CDC23: variants seen among roughly 807,000 people sequenced by gnomAD.
CDC23 encodes cell division cycle 23.
In CDC23, 26 loss-of-function variants were observed where a neutral mutation model predicts 81.7. That is an observed-to-expected ratio of 0.32 (90% CI 0.23 to 0.44). CDC23 has a LOEUF of 0.44. Among genes scored for constraint, CDC23 ranks in the 20% least tolerant of loss-of-function variants. The pLI, the probability that CDC23 is intolerant of heterozygous loss-of-function variation, is 1.00. For missense variants in CDC23, 519 were observed against 728.0 expected (o/e 0.71, Z 3.30); for synonymous variants, 267 against 270.8 (o/e 0.99, Z 0.14).
intron 13 of CDC23, among the ~76,000 whole-genome samples, chr5:138,190,977 T>A (rs928326146): frequency 4.6e-5 from 7 of 152,222 alleles, no homozygotes; most frequent in African/African-American, 1.7e-4. Context: ...GAGTTATTCC[T>A]AATTTTTCTG....
At chr5:138,194,878 T>C (rs1199845052) in intron 9 of CDC23, among the ~76,000 whole-genome samples, 1 of 151,754 alleles carries the variant, frequency 6.6e-6, no homozygotes, top group Non-Finnish European at 1.5e-5. Flanking sequence ...TCCGCCACCA[T>C]GCCCGGCTAA....
chr5:138,213,056 C>G lies in CDC23; in HGVS notation c.169G>C (p.Glu57Gln). ...AATGCAGGGAGAGAGAAAGCCAACTCCGCCGACCTGGAACACCCACACAAA... is the reference window on the plus strand; with the variant it reads ...AATGCAGGGAGAGAGAAAGCCAACTGCGCCGACCTGGAACACCCACACAAA... Reference protein sequence around the residue: ...GLLHSSKWSAELAFSLPALPL... With the variant: ...GLLHSSKWSAQLAFSLPALPL... Residue 57 changes from glutamate to glutamine, a missense_variant, in exon 2 of 16, where the codon GAG (glutamate) becomes CAG (glutamine). Glu to Gln is a conservative substitution (Grantham distance 29). Coordinates refer to ENST00000394886, the MANE Select transcript of CDC23 (RefSeq NM_004661.4). The G allele has an allele frequency of 6.2e-7, 1 of 1,614,024 alleles. No homozygotes were observed.
intron 13 of CDC23, among the ~76,000 whole-genome samples, chr5:138,190,707 C>T (rs1248529582): frequency 6.6e-6 from 1 of 151,972 alleles, no homozygotes; most frequent in African/African-American, 2.4e-5. Flanking sequence ...AGAGGTTGCA[C>T]TCTAGCCTCC....
chr5:138,209,429 A>T (rs1156807372), intron 2 of CDC23, among the ~76,000 whole-genome samples: 1 of 151,620 alleles, frequency 6.6e-6, no homozygotes, highest in Non-Finnish European at 1.5e-5. Flanking sequence ...CTCAAAAAAA[A>T]AAAAAGAAAA....
chr5:138,192,277 GT>G lies in CDC23; in HGVS notation c.1277del (p.His426ProfsTer14). On this transcript the variant is annotated frameshift_variant, in exon 11 of 16. Coordinates refer to ENST00000394886, the MANE Select transcript of CDC23 (RefSeq NM_004661.4). LOFTEE classifies it high-confidence loss of function. ...FYCLYYYRRAHQLRPNDSRML... is the reference protein window; with the variant it reads ...FYCLYYYRRAXQLRPNDSRML... ...CAAGTGACCAGGCTTACCGAAGCTG[GT>G]GGGCCCGTCTATAATAATAAAGGCA... The G allele has an allele frequency of 6.2e-7, 1 of 1,614,134 alleles. No individual in the cohort carries two copies. Among genetic ancestry groups the G allele is most frequent in the Non-Finnish European group, 8.5e-7 (1 of 1,180,028 alleles).
rs922500953 is a variant in CDC23 at position 138,188,088 on chromosome 5, G to C, written c.*890C>G. ...ATTCCCTTTACCTCATCTAGATAAAGGCTGAAAAAAATGTATTCTGTTGCA... is the reference window on the plus strand; with the variant it reads ...ATTCCCTTTACCTCATCTAGATAAACGCTGAAAAAAATGTATTCTGTTGCA... On this transcript the variant is annotated 3_prime_UTR_variant, in exon 16 of 16. Transcript: ENST00000394886. 4.6e-5 allele frequency: 7 copies of C among 151,964 alleles called. No individual in the cohort carries two copies. Among genetic ancestry groups the C allele is most frequent in the Admixed American group, 4.6e-4 (7 of 15,264 alleles). 9.4% of individuals were successfully genotyped at this position (151,964 alleles called of 1,614,324 possible). A position where few individuals can be genotyped will look rare whatever the true frequency, so the allele number is the denominator to read the frequency against.
intron 3 of CDC23, among the ~76,000 whole-genome samples, chr5:138,202,513 A>G (rs1755000779): frequency 6.6e-6 from 1 of 152,136 alleles, no homozygotes; most frequent in African/African-American, 2.4e-5. Flanking sequence ...CGAACTCCAG[A>G]CCTCAAGTGA....
chr5:138,200,123 T>G (rs1239769268), intron 6 of CDC23, among the ~76,000 whole-genome samples: 1 of 150,070 alleles, frequency 6.7e-6, no homozygotes, highest in Non-Finnish European at 1.5e-5. Context: ...TGAACAATTT[T>G]TTGTTTGTTT....
At chr5:138,195,477 T>C (rs1754874352) in intron 9 of CDC23, among the ~76,000 whole-genome samples, 1 of 136,648 alleles carries the variant, frequency 7.3e-6, no homozygotes, top group African/African-American at 2.8e-5. Flanking sequence ...AACTATGCTA[T>C]ACTGCAGTAT....
chr5:138,192,089 A>T, intron 11 of CDC23, 152 bp from the exon 12 acceptor site: 1 of 910,734 alleles, frequency 1.1e-6, no homozygotes, highest in South Asian at 1.7e-5. Flanking sequence ...TCATAATTAT[A>T]CTATTAACCC....
At chr5:138,195,606 GA>G (rs1754883229) in intron 9 of CDC23, among the ~76,000 whole-genome samples, 3 of 101,724 alleles carry the variant, frequency 2.9e-5, no homozygotes, top group African/African-American at 1.2e-4. Context: ...TATTATATAT[GA>G]TATATTTATA....
chr5:138,194,278 T>A (rs1002024684), intron 9 of CDC23, among the ~76,000 whole-genome samples: 1 of 152,072 alleles, frequency 6.6e-6, no homozygotes, highest in African/African-American at 2.4e-5. Flanking sequence ...AGTGAGACCC[T>A]GTCTCTAAAA....
In CDC23 at chr5:138,192,589, T is replaced by A; in HGVS notation, c.1081A>T (p.Asn361Tyr). Residue 361 changes from asparagine to tyrosine, a missense_variant, in exon 10 of 16, where the codon AAT (asparagine) becomes TAT (tyrosine). Transcript: ENST00000394886. ...ALYFQRALKLNPRYLGAWTLM... is the reference protein window; with the variant it reads ...ALYFQRALKLYPRYLGAWTLM... The stretch of plus-strand genomic sequence containing the variant: ...GTCCAGGCACCAAGATACCGAGGAT[T>A]TAATTTCAGGGCTCTCTGGAAATAT... 1 of 1,614,164 alleles carries A rather than the reference T, an allele frequency of 6.2e-7. No individual in the cohort carries two copies.
chr5:138,204,433 A>G (rs1755024026), intron 3 of CDC23, among the ~76,000 whole-genome samples: 1 of 150,444 alleles, frequency 6.6e-6, no homozygotes, highest in African/African-American at 2.4e-5. Context: ...TGAACCCGGG[A>G]GGCAGAGGTT....
rs1754774450 is a variant in CDC23 at position 138,187,976 on chromosome 5, A to G, written c.*1002T>C. On this transcript the variant is annotated 3_prime_UTR_variant, in exon 16 of 16. Transcript: ENST00000394886. ...ATGATCCATAGCATCTACTGTGCAA[A>G]TATATTACAGCAGACATTATAGCAT... The G allele has an allele frequency of 1.3e-5, 2 of 156,022 alleles. No homozygotes were observed. The highest frequency in any genetic ancestry group is 4.8e-5 in the African/African-American group (2 of 41,462). The allele number at this position is 156,022 out of a possible 1,614,324, so 9.7% of individuals were successfully genotyped here.
intron 9 of CDC23, among the ~76,000 whole-genome samples, chr5:138,195,774 G>GTGTATATATATACATATATTATATGTGTA (rs1561634210): frequency 2.8e-5 from 3 of 108,900 alleles, no homozygotes; most frequent in African/African-American, 1.0e-4. Flanking sequence ...TTATATATGT[G>GTGTATATATATACATATATTATATGTGTA]TATATATACA....
intron 2 of CDC23, among the ~76,000 whole-genome samples, chr5:138,209,425 AAAAAAAAAAGAAAAG>A (rs1425277917): frequency 6.6e-6 from 1 of 151,004 alleles, no homozygotes; most frequent in Admixed American, 6.6e-5. Flanking sequence ...GAGACTCAAA[AAAAAAAAAAGAAAAG>A]AAAAGAAAAG....
At chr5:138,212,647 A>G (rs1755126736) in intron 2 of CDC23, among the ~76,000 whole-genome samples, 1 of 152,152 alleles carries the variant, frequency 6.6e-6, no homozygotes, top group African/African-American at 2.4e-5. Context: ...CCTTTTGGGT[A>G]TTTATTATGA....
rs889944429 is a variant in CDC23 at position 138,210,398 on chromosome 5, C to T, written c.234+2593G>A. 1.7e-4 allele frequency among the ~76,000 whole-genome samples: 26 copies of T among 151,616 alleles called. 1 individual carries two copies. The highest frequency in any genetic ancestry group is 1.5e-3 in the Admixed American group (23 of 15,200). ...AAAATTAGCTGGGTGTGGTGGCACA[C>T]GCCTGTAGTCCCAGCTACTCAGGAG... is the stretch of plus-strand genomic sequence containing the variant. On this transcript the variant is annotated intron_variant, in intron 2 of 15. Coordinates refer to ENST00000394886, the MANE Select transcript of CDC23 (RefSeq NM_004661.4).
Sources: allele counts gnomAD v4.1 joint callset (sites outside exome capture counted in the v4.1 genomes callset), GRCh38; gene constraint gnomAD v4.1.1; transcripts MANE v1.5; gene names NCBI Gene and HGNC (gene_info 2026-07-23, HGNC 2026-07-21).